Variants in SLC39A11 observed in about 807,000 individuals in gnomAD.
SLC39A11 encodes solute carrier family 39 member 11, also known as zinc transporter ZIP11.
Under a neutral mutation model 36.1 loss-of-function variants are expected in SLC39A11, and 33 were observed. The ratio of observed to expected loss-of-function variants is 0.91; its 90% CI spans 0.69 to 1.22. SLC39A11 has a LOEUF of 1.22. Among genes scored for constraint, SLC39A11 ranks in the 50% most tolerant of loss-of-function variants. The pLI, the probability that SLC39A11 is intolerant of heterozygous loss-of-function variation, is 0.00. For synonymous variants in SLC39A11, 166 were observed against 170.3 expected (o/e 0.97, Z 0.20); for missense variants, 432 against 430.3 (o/e 1.00, Z -0.03).
At chr17:73,062,503 C>T (rs949963901) in intron 3 of SLC39A11, among the ~76,000 whole-genome samples, 6 of 133,762 alleles carry the variant, frequency 4.5e-5, no homozygotes, top group African/African-American at 1.7e-4. Context: ...CTTCTGCTAC[C>T]TGATAGGCCA....
chr17:72,830,369 G>A (rs1045305499), intron 6 of SLC39A11, among the ~76,000 whole-genome samples: 6 of 152,066 alleles, frequency 3.9e-5, no homozygotes, highest in South Asian at 2.1e-4. Context: ...GAATTAAGAG[G>A]AAGGTAGCCA....
intron 3 of SLC39A11, among the ~76,000 whole-genome samples, chr17:73,080,108 T>A (rs1240413221): frequency 1.3e-5 from 2 of 152,040 alleles, no homozygotes; most frequent in Admixed American, 1.3e-4. Flanking sequence ...AACACCACCA[T>A]CATTCTTCAC....
intron 2 of SLC39A11, among the ~76,000 whole-genome samples, chr17:73,086,551 GGTGCACACCT>G (rs2060735298): frequency 6.6e-6 from 1 of 152,184 alleles, no homozygotes; most frequent in Non-Finnish European, 1.5e-5. Flanking sequence ...TGGGCATGAT[GGTGCACACCT>G]GTAATCCCAG....
At chr17:72,939,189 G>A (rs1041922457) in intron 5 of SLC39A11, among the ~76,000 whole-genome samples, 12 of 152,186 alleles carry the variant, frequency 7.9e-5, no homozygotes, top group African/African-American at 2.9e-4. Flanking sequence ...GGCAGGGCGT[G>A]GTGGCTCACG....
intron 3 of SLC39A11, among the ~76,000 whole-genome samples, chr17:73,039,515 G>A (rs1355431410): frequency 6.6e-6 from 1 of 152,194 alleles, no homozygotes; most frequent in Non-Finnish European, 1.5e-5. Flanking sequence ...GGAGGAACGA[G>A]GGTGGAGAAA....
At chr17:73,068,307 C>T (rs1045827526) in intron 3 of SLC39A11, 12 of 600,528 alleles carry the variant, frequency 2.0e-5, no homozygotes, top group South Asian at 7.1e-5. Context: ...GGAGAGACTC[C>T]GGGGTCTTTC....
At chr17:72,689,994 G>A (rs539823127) in intron 7 of SLC39A11, among the ~76,000 whole-genome samples, 3 of 152,352 alleles carry the variant, frequency 2.0e-5, no homozygotes, top group East Asian at 1.9e-4. Flanking sequence ...TCCACCGAGC[G>A]CTGTGTGAGG....
Position 72,824,215 on chromosome 17 carries a change from A to G in SLC39A11, c.601+25419T>C, listed in dbSNP as rs577167625. ...TTGTCATGATAGTGAATATGTTCTC[A>G]TGAAATCTCATTGTTTAAAAGTGTG... is the stretch of plus-strand genomic sequence containing the variant. On this transcript the variant is annotated intron_variant, in intron 6 of 9. Coordinates refer to ENST00000255559, the MANE Select transcript of SLC39A11 (RefSeq NM_139177.4). Among the ~76,000 whole-genome samples, 6 of 151,076 alleles carry G rather than the reference A, an allele frequency of 4.0e-5. No homozygotes were observed. The South Asian group carries it at 1.1e-3, about 27-fold the overall frequency.
intron 7 of SLC39A11, among the ~76,000 whole-genome samples, chr17:72,724,563 G>C (rs2073844784): frequency 1.3e-5 from 2 of 152,112 alleles, no homozygotes; most frequent in Non-Finnish European, 2.9e-5. Flanking sequence ...GCTACAGACA[G>C]ATCAGCTCTT....
intron 5 of SLC39A11, among the ~76,000 whole-genome samples, chr17:72,889,896 A>G (rs2081635104): frequency 6.6e-6 from 1 of 152,174 alleles, no homozygotes; most frequent in Non-Finnish European, 1.5e-5. Context: ...GTAAGGAGCA[A>G]TGGACTCTGA....
intron 7 of SLC39A11, among the ~76,000 whole-genome samples, chr17:72,676,082 A>T (rs1338425530): frequency 2.7e-5 from 4 of 147,504 alleles, no homozygotes; most frequent in African/African-American, 1.0e-4. Context: ...ACACACACAC[A>T]CACACACACA....
In SLC39A11 at chr17:73,054,986, G is replaced by A. The variant is rs144231430; in HGVS notation, c.148-23272C>T. 5.1e-3 allele frequency among the ~76,000 whole-genome samples: 769 copies of A among 152,214 alleles called. 6 individuals carry two copies. The highest frequency in any genetic ancestry group is 7.1e-3 in the Non-Finnish European group (481 of 68,024). ...AGGGATCAGGGTCCAGAAGAGAAGG[G>A]CAGAGCAAGTGAACCCCAAGGGCTT... On this transcript the variant is annotated intron_variant, in intron 3 of 9. Transcript: ENST00000255559.
intron 6 of SLC39A11, among the ~76,000 whole-genome samples, chr17:72,825,863 T>A (rs1394623517): frequency 1.3e-5 from 2 of 152,220 alleles, no homozygotes; most frequent in East Asian, 3.9e-4. Context: ...CATCACTGTA[T>A]CTTAGAAGTA....
At chr17:73,048,454 T>A (rs2059392711) in intron 3 of SLC39A11, among the ~76,000 whole-genome samples, 1 of 152,236 alleles carries the variant, frequency 6.6e-6, no homozygotes, top group African/African-American at 2.4e-5. Flanking sequence ...GCACCTAGGT[T>A]GACTGCATGT....
intron 4 of SLC39A11, among the ~76,000 whole-genome samples, chr17:72,965,536 T>C (rs544124144): frequency 1.3e-5 from 2 of 152,328 alleles, no homozygotes; most frequent in South Asian, 4.1e-4. Flanking sequence ...TGTTAGATGA[T>C]TTTGCCCAAC....
At chr17:72,715,206 G>A (rs7225561) in intron 7 of SLC39A11, among the ~76,000 whole-genome samples, 32,760 of 152,180 alleles carry the variant, frequency 0.22, 4,407 homozygotes, top group African/African-American at 0.38. Flanking sequence ...CCAAGGGCAC[G>A]ATGTTACAAG....
intron 7 of SLC39A11, among the ~76,000 whole-genome samples, chr17:72,708,161 T>C (rs149469164): frequency 2.8e-4 from 42 of 152,340 alleles, no homozygotes; most frequent in African/African-American, 6.3e-4. Flanking sequence ...TCAACTTGAC[T>C]GGGCCAGGAG....
intron 6 of SLC39A11, among the ~76,000 whole-genome samples, chr17:72,786,639 C>T (rs1377497877): frequency 6.6e-6 from 1 of 151,498 alleles, no homozygotes; most frequent in Non-Finnish European, 1.5e-5. Flanking sequence ...GGAGTTCACA[C>T]AGCAGCTTCT....
At chr17:73,022,210 A>C (rs2058375609) in intron 4 of SLC39A11, among the ~76,000 whole-genome samples, 2 of 152,268 alleles carry the variant, frequency 1.3e-5, no homozygotes, top group South Asian at 4.1e-4. Context: ...GCATATGGCA[A>C]GAAAGAGAGA....
Sources: gnomAD v4.1 joint callset for allele counts (sites outside exome capture counted in the v4.1 genomes callset) on GRCh38, gnomAD v4.1.1 for gene constraint, MANE v1.5 for transcripts, NCBI Gene and HGNC (gene_info 2026-07-23, HGNC 2026-07-21) for gene names.